FOXP2: variants seen among roughly 807,000 people sequenced by gnomAD.
FOXP2 encodes the protein forkhead box protein P2.
In FOXP2, 12 loss-of-function variants were observed where a neutral mutation model predicts 115.8. The observed-to-expected ratio is 0.10, with a 90% CI of 0.07 to 0.17. The LOEUF (loss-of-function observed/expected upper bound fraction) is 0.17. Ranked by LOEUF, FOXP2 falls within the 10% of genes least tolerant of loss-of-function variation. The pLI is 1.00. For missense variants in FOXP2, 629 were observed against 843.5 expected (o/e 0.75, Z 3.15); for synonymous variants, 328 against 297.7 (o/e 1.10, Z -1.05).
At chr7:114,268,709 T>C (rs971647311) in intron 1 of FOXP2, among the ~76,000 whole-genome samples, 4 of 129,154 alleles carry the variant, frequency 3.1e-5, no homozygotes, top group Admixed American at 7.2e-5. Context: ...ACTGTGTGTG[T>C]GTGTGTGTGT....
intron 2 of FOXP2, among the ~76,000 whole-genome samples, chr7:114,465,980 C>G (rs916171407): frequency 6.6e-6 from 1 of 152,178 alleles, no homozygotes; most frequent in Admixed American, 6.6e-5. Flanking sequence ...GAGTCTTACC[C>G]ACGAAGCATT....
At chr7:114,567,894 C>T (rs1041031248) in intron 3 of FOXP2, among the ~76,000 whole-genome samples, 1 of 152,024 alleles carries the variant, frequency 6.6e-6, no homozygotes. Context: ...TCAACCAAAC[C>T]TGTTGGCAAG....
chr7:114,319,817 G>C (rs1339465379), intron 2 of FOXP2, among the ~76,000 whole-genome samples: 1 of 152,192 alleles, frequency 6.6e-6, no homozygotes, highest in East Asian at 1.9e-4. Context: ...TATTTTGATT[G>C]CTGGCTGCTA....
rs533079549 is a variant in FOXP2, at chr7:114,659,822, A to G, written c.1647+149A>G. Reference sequence around the variant, plus strand: ...GAATGGAATGAATTCCCTCTCTCAAAATGACAAGTGAAAGAATAATTTTGC... The same window carrying G: ...GAATGGAATGAATTCCCTCTCTCAAGATGACAAGTGAAAGAATAATTTTGC... On this transcript the variant is annotated intron_variant, in intron 13 of 16. Transcript: ENST00000350908. 5 of 704,262 alleles carry G rather than the reference A, an allele frequency of 7.1e-6. No individual in the cohort carries two copies. The South Asian group carries it at 8.0e-5, about 11-fold the overall frequency. The allele number at this position is 704,262 out of a possible 1,614,324, so 43.6% of individuals were successfully genotyped here.
intron 2 of FOXP2, among the ~76,000 whole-genome samples, chr7:114,350,341 T>G (rs562906471): frequency 6.6e-6 from 1 of 152,248 alleles, no homozygotes; most frequent in Admixed American, 6.5e-5. Context: ...TTCCCCTCCC[T>G]GTGTCCATGT....
chr7:114,646,845 A>G (rs548316216), intron 8 of FOXP2, among the ~76,000 whole-genome samples: 1 of 152,148 alleles, frequency 6.6e-6, no homozygotes, highest in Admixed American at 6.6e-5. Flanking sequence ...TTTATTTAGC[A>G]TCTGTGTGGG....
At chr7:114,225,447 A>AT (rs938887632) in intron 1 of FOXP2, among the ~76,000 whole-genome samples, 5 of 150,890 alleles carry the variant, frequency 3.3e-5, no homozygotes, top group Admixed American at 1.3e-4. Context: ...TTGCTTTTCA[A>AT]TTTTTTTTCT....
intron 1 of FOXP2, among the ~76,000 whole-genome samples, chr7:114,175,817 A>G (rs376706661): frequency 6.6e-6 from 1 of 152,228 alleles, no homozygotes; most frequent in Non-Finnish European, 1.5e-5. Flanking sequence ...CCAAAGTGGT[A>G]GCTTTCTGTA....
intron 1 of FOXP2, among the ~76,000 whole-genome samples, chr7:114,225,819 T>G (rs1794732638): frequency 1.3e-5 from 2 of 152,176 alleles, no homozygotes; most frequent in African/African-American, 2.4e-5. Flanking sequence ...ATATTATTCT[T>G]TTTTCCCACT....
chr7:114,195,635 A>T (rs1165522734), intron 1 of FOXP2, among the ~76,000 whole-genome samples: 1 of 152,138 alleles, frequency 6.6e-6, no homozygotes, highest in Non-Finnish European at 1.5e-5. Flanking sequence ...ATTTAAAATC[A>T]TTAAATTCAT....
intron 2 of FOXP2, among the ~76,000 whole-genome samples, chr7:114,497,997 A>C (rs907003197): frequency 3.3e-5 from 5 of 152,112 alleles, no homozygotes; most frequent in Admixed American, 1.3e-4. Flanking sequence ...ATTTTTATCT[A>C]TTTGTCCCCA....
chr7:114,304,723 T>C (rs2129178929), intron 2 of FOXP2, among the ~76,000 whole-genome samples: 1 of 146,922 alleles, frequency 6.8e-6, no homozygotes, highest in East Asian at 2.0e-4. Flanking sequence ...ATTTCATAAA[T>C]TGAAGTTCAG....
At chr7:114,285,064 A>G (rs1354790613) in intron 1 of FOXP2, among the ~76,000 whole-genome samples, 1 of 152,144 alleles carries the variant, frequency 6.6e-6, no homozygotes, top group Non-Finnish European at 1.5e-5. Flanking sequence ...GATTAGAAAA[A>G]ATAACTAAAG....
At chr7:114,136,865 A>G (rs928580980) in intron 1 of FOXP2, among the ~76,000 whole-genome samples, 7 of 152,030 alleles carry the variant, frequency 4.6e-5, no homozygotes, top group African/African-American at 1.7e-4. Context: ...AGCCAATATT[A>G]TTCCACAGTG....
At chr7:114,393,439 A>C (rs1286284670) in intron 2 of FOXP2, among the ~76,000 whole-genome samples, 3 of 152,012 alleles carry the variant, frequency 2.0e-5, no homozygotes, top group African/African-American at 7.2e-5. Context: ...GGTGTATACA[A>C]ATGAGAGATG....
intron 3 of FOXP2, among the ~76,000 whole-genome samples, chr7:114,557,922 T>A (rs551521803): frequency 3.3e-5 from 5 of 152,074 alleles, no homozygotes; most frequent in African/African-American, 9.6e-5. Flanking sequence ...CAGTTCTCTG[T>A]GTCAGCCTCC....
intron 6 of FOXP2, among the ~76,000 whole-genome samples, chr7:114,633,533 T>C (rs1321382748): frequency 6.6e-6 from 1 of 152,190 alleles, no homozygotes; most frequent in African/African-American, 2.4e-5. Context: ...TTTTCATTAA[T>C]ATAGGTTAAA....
At chr7:114,197,625 T>A (rs541610901) in intron 1 of FOXP2, among the ~76,000 whole-genome samples, 1 of 152,190 alleles carries the variant, frequency 6.6e-6, no homozygotes, top group East Asian at 1.9e-4. Flanking sequence ...CCAGTTTTCA[T>A]TGATTGATTT....
Position 114,454,085 on chromosome 7 carries a change from T to C in FOXP2, c.168+27406T>C, listed in dbSNP as rs1191846128. ...CTACCATCAGAGTGAACAGGCAACC[T>C]ACAAAATGGGAGAAAATTTTCGCAA... On this transcript the variant is annotated intron_variant, in intron 2 of 16. Transcript: ENST00000350908. 2.2e-3 allele frequency among the ~76,000 whole-genome samples: 332 copies of C among 150,076 alleles called. 2 individuals carry two copies. Among genetic ancestry groups the C allele is most frequent in the East Asian group, 4.5e-3 (23 of 5,072 alleles).
Sources: allele counts gnomAD v4.1 joint callset (sites outside exome capture counted in the v4.1 genomes callset), GRCh38; gene constraint gnomAD v4.1.1; transcripts MANE v1.5; gene names NCBI Gene and HGNC (gene_info 2026-07-23, HGNC 2026-07-21).